DDHD2: variants seen among roughly 807,000 people sequenced by gnomAD.
DDHD2 encodes the protein triacylglycerol hydrolase DDHD2.
In DDHD2, 62 loss-of-function variants were observed where a neutral mutation model predicts 91.2. The ratio of observed to expected loss-of-function variants is 0.68; its 90% CI spans 0.55 to 0.84. The LOEUF is 0.84. Among genes scored for constraint, DDHD2 ranks in the 40% least tolerant of loss-of-function variants. The pLI, the probability that DDHD2 is intolerant of heterozygous loss-of-function variation, is 0.00. For missense variants in DDHD2, 740 were observed against 846.9 expected (o/e 0.87, Z 1.57); for synonymous variants, 271 against 293.9 (o/e 0.92, Z 0.80).
At chr8:38,232,854 T>C in intron 1 of DDHD2, 133 bp from the exon 2 acceptor site, 1 of 642,622 alleles carries the variant, frequency 1.6e-6, no homozygotes, top group Non-Finnish European at 2.7e-6. Context: ...TTATTTCTCT[T>C]TTAAATTATG....
At chr8:38,254,891 A>G (rs1806389271) in intron 16 of DDHD2, among the ~76,000 whole-genome samples, 1 of 152,020 alleles carries the variant, frequency 6.6e-6, no homozygotes, top group Non-Finnish European at 1.5e-5. Context: ...ATGTCTGAAA[A>G]AAAATAGTAT....
downstream of DDHD2, chr8:38,267,332 A>G (rs1807791929): frequency 6.2e-7 from 1 of 1,613,914 alleles, no homozygotes. Flanking sequence ...CCCTGTACAC[A>G]TCAAGTCAGA....
chr8:38,268,564 A>T, intron 1 of DDHD2: 1 of 1,500,134 alleles, frequency 6.7e-7, no homozygotes, highest in Admixed American at 2.1e-5. Context: ...TGGAGCTAAC[A>T]TAAGGTCTCT....
At chr8:38,234,083 G>T (rs1804507706) in intron 2 of DDHD2, among the ~76,000 whole-genome samples, 2 of 152,006 alleles carry the variant, frequency 1.3e-5, no homozygotes, top group Non-Finnish European at 2.9e-5. Flanking sequence ...TTACCTTATG[G>T]TTCCTCAAGC....
chr8:38,236,309 G>A (rs933113731), intron 3 of DDHD2, among the ~76,000 whole-genome samples: 3 of 151,284 alleles, frequency 2.0e-5, no homozygotes, highest in Admixed American at 2.0e-4. Context: ...ACCACGCCCA[G>A]CCTTTTTCTT....
chr8:38,268,907 T>C (rs1207877843), intron 1 of DDHD2: 1 of 1,557,564 alleles, frequency 6.4e-7, no homozygotes, highest in Non-Finnish European at 8.6e-7. Flanking sequence ...GGGGAAATAC[T>C]CCGCCTCCAC....
chr8:38,240,234 CTAAT>C (rs569107368), intron 5 of DDHD2, 37 bp from the exon 6 acceptor site: 1 of 1,221,970 alleles, frequency 8.2e-7, no homozygotes, highest in South Asian at 1.3e-5. Context: ...GAATACATGA[CTAAT>C]TATACAGAAT....
chr8:38,247,477 T>TA (rs1174921800), intron 9 of DDHD2: 2 of 256,766 alleles, frequency 7.8e-6, no homozygotes, highest in African/African-American at 4.5e-5. Context: ...TGAGCTCCCT[T>TA]AAAATTCAGC....
chr8:38,270,082 T>G (rs528191491), intron 1 of DDHD2: 1 of 152,212 alleles, frequency 6.6e-6, no homozygotes, highest in Non-Finnish European at 1.5e-5. Context: ...CAACATCAAG[T>G]CATTATACAG....
downstream of DDHD2, chr8:38,264,928 C>A (rs776126461): frequency 4.3e-6 from 7 of 1,611,676 alleles, no homozygotes; most frequent in Non-Finnish European, 5.9e-6. Context: ...TTCATCTGCC[C>A]ATTTTCACCA....
intron 3 of DDHD2, among the ~76,000 whole-genome samples, chr8:38,236,258 C>G (rs1203327594): frequency 1.3e-5 from 2 of 150,668 alleles, no homozygotes; most frequent in Non-Finnish European, 1.5e-5. Context: ...GTGATCCGCC[C>G]GCCTCGGCCT....
At chr8:38,256,315 A>G (rs550593010) in intron 16 of DDHD2, among the ~76,000 whole-genome samples, 3 of 151,756 alleles carry the variant, frequency 2.0e-5, no homozygotes, top group Non-Finnish European at 4.4e-5. Flanking sequence ...TTATTTATTT[A>G]TTTTTTTGAG....
In DDHD2 at chr8:38,246,143, A is replaced by G. The variant is rs534938145; in HGVS notation, c.1058-90A>G. On this transcript the variant is annotated intron_variant, in intron 8 of 17. Transcript: ENST00000397166. Reference sequence around the variant, plus strand: ...CTCCTTGCTGTATAGATTTGCTTACATATGTAATTGGCTTATGCCTTTTTT... The same window carrying G: ...CTCCTTGCTGTATAGATTTGCTTACGTATGTAATTGGCTTATGCCTTTTTT... 153 of 1,121,530 alleles carry G rather than the reference A, an allele frequency of 1.4e-4. No homozygotes were observed. The African/African-American group carries it at 2.1e-3, about 15-fold the overall frequency. The allele number at this position is 1,121,530 out of a possible 1,614,324, so 69.5% of individuals were successfully genotyped here.
chr8:38,240,342 C>A lies in DDHD2; in HGVS notation c.690C>A (p.Arg230=). 1 of 1,610,390 alleles carries A rather than the reference C, an allele frequency of 6.2e-7. No individual in the cohort carries two copies. Among genetic ancestry groups the A allele is most frequent in the South Asian group, 1.1e-5 (1 of 90,712 alleles). ...GGATTGGACCAGCTTGTGATCTCCG[C>A]TTTCGAAGCATTGTACAGTGTGGTA... ...VHGIGPACDL[R]FRSIVQCVND... is the part of the protein sequence containing the mutation. Residue 230 remains arginine (R), a synonymous_variant, in exon 6 of 18, where the codon CGC becomes CGA. Transcript: ENST00000397166.
At chr8:38,264,481 G>C (rs2130910487), downstream of DDHD2, 2 of 1,552,460 alleles carry the variant, frequency 1.3e-6, no homozygotes, top group East Asian at 4.9e-5. Context: ...AGGCTTCTGT[G>C]CAGTGGAAAG....
chr8:38,258,402 G>A (rs1806711413), intron 16 of DDHD2, among the ~76,000 whole-genome samples: 2 of 151,864 alleles, frequency 1.3e-5, no homozygotes, highest in African/African-American at 4.8e-5. Context: ...ATAGGCATGT[G>A]CCACCATGCC....
In DDHD2 at chr8:38,232,870, TTTG is replaced by T. The variant is rs141540044; in HGVS notation, c.-8-101_-8-99del. 413 of 657,454 alleles carry T rather than the reference TTTG, an allele frequency of 6.3e-4. 1 individual carries two copies. The highest frequency in any genetic ancestry group is 3.2e-3 in the East Asian group (118 of 36,444). 40.7% of individuals were successfully genotyped at this position (657,454 alleles called of 1,614,324 possible). On this transcript the variant is annotated intron_variant, in intron 1 of 17. Transcript: ENST00000397166. ...TATTTCTCTTTTAAATTATGTAGAT[TTTG>T]TTGTTGTTGTTGTTGCAGAAATGGC...
At position 38,246,315 on chromosome 8, in the gene DDHD2, C is replaced by A; in HGVS notation, c.1125+15C>A. 6.3e-7 allele frequency: 1 copy of A among 1,586,216 alleles called. No individual in the cohort carries two copies. The highest frequency in any genetic ancestry group is 1.1e-5 in the South Asian group (1 of 88,088). On this transcript the variant is annotated intron_variant, in intron 9 of 17. Transcript: ENST00000397166. The stretch of plus-strand genomic sequence containing the variant: ...ACAGTGAAAAGGTAATTTAGATGTT[C>A]AGCTAGGTTTTCTTGTAGTTTTCCT...
intron 5 of DDHD2, among the ~76,000 whole-genome samples, 160 bp from the exon 6 acceptor site, chr8:38,240,115 A>G (rs2130783916): frequency 1.3e-5 from 2 of 152,310 alleles, no homozygotes; most frequent in South Asian, 4.1e-4. Context: ...ACCAAGTAAA[A>G]TCAGTGTATT....
Sources: allele counts gnomAD v4.1 joint callset (sites outside exome capture counted in the v4.1 genomes callset), GRCh38; gene constraint gnomAD v4.1.1; transcripts MANE v1.5; gene names NCBI Gene and HGNC (gene_info 2026-07-23, HGNC 2026-07-21).